The following PPP1R8 variants were observed in gnomAD, a reference collection of about 807,000 sequenced individuals.
PPP1R8 encodes the protein nuclear inhibitor of protein phosphatase 1.
A neutral mutation model predicts 31.3 loss-of-function variants in PPP1R8; 4 were observed. That is an observed-to-expected ratio of 0.13 (90% CI 0.06 to 0.29). The LOEUF is 0.29. Ranked by LOEUF, PPP1R8 falls within the 10% of genes least tolerant of loss-of-function variation. The pLI, the probability that PPP1R8 is intolerant of heterozygous loss-of-function variation, is 1.00. For synonymous variants in PPP1R8, 170 were observed against 169.7 expected (o/e 1.00, Z -0.01); for missense variants, 254 against 440.1 (o/e 0.58, Z 3.78).
intron 3 of PPP1R8, among the ~76,000 whole-genome samples, chr1:27,839,925 G>A (rs554794919): frequency 5.9e-5 from 9 of 152,160 alleles, no homozygotes; most frequent in East Asian, 1.9e-4. Flanking sequence ...GCCCTGTATT[G>A]TGGAGTGCGC....
chr1:27,845,429 C>T (rs2089268442), intron 5 of PPP1R8, among the ~76,000 whole-genome samples: 3 of 151,542 alleles, frequency 2.0e-5, no homozygotes, highest in African/African-American at 2.4e-5. Flanking sequence ...TGCCCTCGAG[C>T]TTTCTTAGGG....
Position 27,850,607 on chromosome 1 carries a change from TG to T in PPP1R8, c.*162del. 1 of 663,134 alleles carries T rather than the reference TG, an allele frequency of 1.5e-6. No individual in the cohort carries two copies. Among genetic ancestry groups the T allele is most frequent in the South Asian group, 2.1e-5 (1 of 46,818 alleles). The allele number at this position is 663,134 out of a possible 1,614,324, so 41.1% of individuals were successfully genotyped here. A position where few individuals can be genotyped will look rare whatever the true frequency, so the allele number is the denominator to read the frequency against. ...GTAATATGACAATTGGGGGTGGGGT[TG>T]AAATAGCCCATAAAGACCTGTCTTC... On this transcript the variant is annotated 3_prime_UTR_variant, in exon 7 of 7. Transcript: ENST00000311772.
intron 5 of PPP1R8, among the ~76,000 whole-genome samples, chr1:27,844,172 G>A (rs758517853): frequency 1.3e-5 from 2 of 151,886 alleles, no homozygotes; most frequent in Non-Finnish European, 2.9e-5. Flanking sequence ...TCAGCTAATT[G>A]TCATATGTTT....
rs1315615195 is a variant in PPP1R8, at chr1:27,850,523, GA to G, written c.*82del. ...TGATGGGGAGCTAATGAACTAGGGA[GA>G]AAAACTTTCCATGTGTGCGGTATCG... On this transcript the variant is annotated 3_prime_UTR_variant, in exon 7 of 7. Coordinates refer to ENST00000311772, the MANE Select transcript of PPP1R8 (RefSeq NM_014110.5). 1 of 1,316,950 alleles carries G rather than the reference GA, an allele frequency of 7.6e-7. No individual in the cohort carries two copies. The highest frequency in any genetic ancestry group is 1.0e-6 in the Non-Finnish European group (1 of 961,274). The allele number at this position is 1,316,950 out of a possible 1,614,324, so 81.6% of individuals were successfully genotyped here.
At chr1:27,846,693 A>T (rs1415273856) in intron 5 of PPP1R8, among the ~76,000 whole-genome samples, 1 of 152,146 alleles carries the variant, frequency 6.6e-6, no homozygotes, top group Non-Finnish European at 1.5e-5. Flanking sequence ...AACTTGGGGG[A>T]GGGCAGCACA....
chr1:27,843,485 C>T (rs1443151348), intron 5 of PPP1R8, among the ~76,000 whole-genome samples, 155 bp downstream of exon 5: 3 of 151,940 alleles, frequency 2.0e-5, no homozygotes, highest in Non-Finnish European at 4.4e-5. Flanking sequence ...GGTGAAACCC[C>T]ATCTCTATTA....
At chr1:27,844,933 C>T (rs1307988795) in intron 5 of PPP1R8, among the ~76,000 whole-genome samples, 2 of 114,954 alleles carry the variant, frequency 1.7e-5, no homozygotes, top group Non-Finnish European at 3.4e-5. Flanking sequence ...CGGGGTTTCA[C>T]CGTGTTAGGC....
rs2089097569 is a variant in PPP1R8 at position 27,831,054 on chromosome 1, G to A, written c.56+163G>A. 9 of 1,393,682 alleles carry A rather than the reference G, an allele frequency of 6.5e-6. No homozygotes were observed. The East Asian group carries it at 2.6e-4, about 40-fold the overall frequency. The allele number at this position is 1,393,682 out of a possible 1,614,324, so 86.3% of individuals were successfully genotyped here. ...GCACCGGGCCGGGCGACGTGTTGAA[G>A]AACCGAGAGCCTGGAGCCCAGGCCC... is the stretch of plus-strand genomic sequence containing the variant. On this transcript the variant is annotated intron_variant, in intron 1 of 6. Coordinates refer to ENST00000311772, the MANE Select transcript of PPP1R8 (RefSeq NM_014110.5).
chr1:27,841,706 A>T (rs1347721657), intron 4 of PPP1R8, among the ~76,000 whole-genome samples: 2 of 152,254 alleles, frequency 1.3e-5, no homozygotes, highest in South Asian at 4.1e-4. Context: ...AGAGAGACTG[A>T]CATTTTCATT....
intron 6 of PPP1R8, among the ~76,000 whole-genome samples, chr1:27,849,191 GA>G (rs1460120201): frequency 2.0e-5 from 3 of 152,070 alleles, no homozygotes; most frequent in Non-Finnish European, 4.4e-5. Flanking sequence ...GACCAACATG[GA>G]GAAACCCTGT....
chr1:27,842,157 A>G (rs1246612757), intron 4 of PPP1R8, among the ~76,000 whole-genome samples: 1 of 152,184 alleles, frequency 6.6e-6, no homozygotes, highest in Non-Finnish European at 1.5e-5. Flanking sequence ...CCTGGCCAAC[A>G]TGGAGAAACC....
At chr1:27,836,189 C>A (rs940471477) in intron 2 of PPP1R8, among the ~76,000 whole-genome samples, 16 of 152,088 alleles carry the variant, frequency 1.1e-4, no homozygotes, top group African/African-American at 3.9e-4. Context: ...TTTAATGAGA[C>A]CTCATGTTTA....
chr1:27,841,939 T>A (rs756657304), intron 4 of PPP1R8, among the ~76,000 whole-genome samples: 2 of 152,244 alleles, frequency 1.3e-5, no homozygotes, highest in Non-Finnish European at 2.9e-5. Flanking sequence ...GTGATTGGTC[T>A]GTTCAAATAG....
rs191367459 is a variant in PPP1R8 at position 27,843,754 on chromosome 1, A to G, written c.637+424A>G. 2.0e-3 allele frequency among the ~76,000 whole-genome samples: 312 copies of G among 152,286 alleles called. 1 individual carries two copies. Among genetic ancestry groups the G allele is most frequent in the African/African-American group, 7.3e-3 (302 of 41,560 alleles). ...GATTGCTTGAGGCCAGGATTTCAAG[A>G]CCAGGGTGGCCAACATGGCAGAACC... is the stretch of plus-strand genomic sequence containing the variant. On this transcript the variant is annotated intron_variant, in intron 5 of 6. Coordinates refer to ENST00000311772, the MANE Select transcript of PPP1R8 (RefSeq NM_014110.5).
intron 2 of PPP1R8, among the ~76,000 whole-genome samples, chr1:27,833,596 G>A (rs1388083286): frequency 1.3e-5 from 2 of 152,166 alleles, no homozygotes; most frequent in Non-Finnish European, 2.9e-5. Context: ...TATTTACCAA[G>A]AGATGGATAT....
At chr1:27,838,079 C>T (rs771192679) in intron 2 of PPP1R8, among the ~76,000 whole-genome samples, 2 of 151,904 alleles carry the variant, frequency 1.3e-5, no homozygotes, top group Admixed American at 6.6e-5. Flanking sequence ...GGCATGGTGG[C>T]GCGTGCCTGT....
Position 27,850,681 on chromosome 1 carries a change from A to C in PPP1R8, c.*235A>C, listed in dbSNP as rs1401286867. ...AGGCTTCTTATATCCTTTTCAATAG[A>C]CTGCCCTGGCTCTTTCCTAGGCCTT... is the stretch of plus-strand genomic sequence containing the variant. On this transcript the variant is annotated 3_prime_UTR_variant, in exon 7 of 7. Coordinates refer to ENST00000311772, the MANE Select transcript of PPP1R8 (RefSeq NM_014110.5). The C allele has an allele frequency of 6.4e-6, 3 of 470,366 alleles. No homozygotes were observed. Among genetic ancestry groups the C allele is most frequent in the African/African-American group, 1.9e-5 (1 of 52,010 alleles). The allele number at this position is 470,366 out of a possible 1,614,324, so 29.1% of individuals were successfully genotyped here. A position where few individuals can be genotyped will look rare whatever the true frequency, so the allele number is the denominator to read the frequency against.
chr1:27,848,010 G>T (rs140192921), intron 6 of PPP1R8, among the ~76,000 whole-genome samples: 273 of 152,348 alleles, frequency 1.8e-3, no homozygotes, highest in African/African-American at 6.1e-3. Context: ...AGGTGGAGGA[G>T]ATGCATTATT....
At chr1:27,832,978 T>C (rs1185454441) in intron 2 of PPP1R8, among the ~76,000 whole-genome samples, 162 bp downstream of exon 2, 1 of 152,162 alleles carries the variant, frequency 6.6e-6, no homozygotes, top group Non-Finnish European at 1.5e-5. Flanking sequence ...ATCACACATT[T>C]AAAGCTTATG....
Sources: gnomAD v4.1 joint callset for allele counts (sites outside exome capture counted in the v4.1 genomes callset) on GRCh38, gnomAD v4.1.1 for gene constraint, MANE v1.5 for transcripts, NCBI Gene and HGNC (gene_info 2026-07-23, HGNC 2026-07-21) for gene names.